NOX4: variants seen among roughly 807,000 people sequenced by gnomAD.
The protein encoded by NOX4 is kidney oxidase-1.
In NOX4, 69 loss-of-function variants were observed where a neutral mutation model predicts 87.6. The observed-to-expected ratio is 0.79, with a 90% CI of 0.65 to 0.96. NOX4 has a LOEUF of 0.96. NOX4 is among the 40% of genes least tolerant of loss of function. The pLI is 0.00. For missense variants in NOX4, 680 were observed against 681.5 expected, an observed-to-expected ratio of 1.00 and a Z score of 0.02; for synonymous variants, 275 against 238.2, an observed-to-expected ratio of 1.15 and a Z score of -1.42.
At chr11:89,559,397 T>A in the NOX4 span, among the ~76,000 whole-genome samples, 3 of 152,110 alleles carry the variant, frequency 2.0e-5, no homozygotes, top group African/African-American at 7.2e-5. Context: ...CCAGTATATC[T>A]GGTAAATATT....
intron 13 of NOX4, among the ~76,000 whole-genome samples, chr11:89,348,941 T>A (rs78665967): frequency 1.4e-4 from 22 of 152,286 alleles, no homozygotes; most frequent in East Asian, 9.7e-4. Context: ...TAATAATGCA[T>A]ATAAAGCACA....
At chr11:89,444,948 A>C (rs1944625650) in intron 4 of NOX4, among the ~76,000 whole-genome samples, 1 of 152,162 alleles carries the variant, frequency 6.6e-6, no homozygotes, top group Non-Finnish European at 1.5e-5. Flanking sequence ...AATTATTTTG[A>C]GGAGGTTGGG....
intron 2 of NOX4, among the ~76,000 whole-genome samples, chr11:89,488,523 G>T (rs1946718760): frequency 6.6e-6 from 1 of 152,048 alleles, no homozygotes; most frequent in African/African-American, 2.4e-5. Context: ...GAAAATTAAT[G>T]AGTTGGTTTC....
At chr11:89,433,800 T>A (rs80243665) in intron 6 of NOX4, among the ~76,000 whole-genome samples, 3 of 152,084 alleles carry the variant, frequency 2.0e-5, no homozygotes, top group Non-Finnish European at 4.4e-5. Context: ...GTCAAAATTA[T>A]AATGGCAGGA....
intron 11 of NOX4, among the ~76,000 whole-genome samples, chr11:89,377,019 C>A (rs2135076836): frequency 6.6e-6 from 1 of 152,306 alleles, no homozygotes; most frequent in African/African-American, 2.4e-5. Flanking sequence ...GATCGCACCA[C>A]TGCAGTCCAG....
At chr11:89,489,037 T>A (rs1440224434) in intron 2 of NOX4, 2 of 699,686 alleles carry the variant, frequency 2.9e-6, no homozygotes, top group South Asian at 3.0e-5. Context: ...GGGTTTAGCT[T>A]TACAGACTAT....
At chr11:89,331,783 ATTT>A (rs1299121608) in intron 17 of NOX4, among the ~76,000 whole-genome samples, 2 of 151,734 alleles carry the variant, frequency 1.3e-5, no homozygotes, top group Non-Finnish European at 2.9e-5. Flanking sequence ...GGATGTTATG[ATTT>A]TTGTGTTTCT....
intron 2 of NOX4, among the ~76,000 whole-genome samples, chr11:89,457,510 A>T (rs1258307869): frequency 6.6e-6 from 1 of 152,174 alleles, no homozygotes; most frequent in East Asian, 1.9e-4. Context: ...CCCCCGAGTG[A>T]ATCAGATTCC....
At chr11:89,379,828 C>A (rs544100075) in intron 11 of NOX4, among the ~76,000 whole-genome samples, 1 of 152,234 alleles carries the variant, frequency 6.6e-6, no homozygotes, top group East Asian at 1.9e-4. Flanking sequence ...CCACTATCAC[C>A]ACCCTGGTCA....
chr11:89,348,116 G>C (rs527466160), intron 13 of NOX4, among the ~76,000 whole-genome samples: 1 of 152,114 alleles, frequency 6.6e-6, no homozygotes, highest in Admixed American at 6.6e-5. Flanking sequence ...TGATAACAAA[G>C]TGATAAGACC....
intron 11 of NOX4, among the ~76,000 whole-genome samples, chr11:89,387,154 T>C (rs1026937874): frequency 1.3e-5 from 2 of 152,048 alleles, no homozygotes; most frequent in African/African-American, 4.8e-5. Flanking sequence ...TTTACCACTA[T>C]TTTGTTTTAT....
chr11:89,506,219 AAGAG>A, the NOX4 span, among the ~76,000 whole-genome samples: 22 of 91,644 alleles, frequency 2.4e-4, no homozygotes, highest in African/African-American at 7.3e-4. Flanking sequence ...GAAAGAAAGA[AAGAG>A]AGAAAGAAAG....
At chr11:89,438,898 TATATATA>T (rs1944314345) in intron 6 of NOX4, among the ~76,000 whole-genome samples, 2 of 19,900 alleles carry the variant, frequency 1.0e-4, no homozygotes, top group South Asian at 1.3e-3. Context: ...TTATATATTA[TATATATA>T]ATATATAATA....
At chr11:89,506,467 A>G in the NOX4 span, among the ~76,000 whole-genome samples, 2 of 151,810 alleles carry the variant, frequency 1.3e-5, no homozygotes, top group Non-Finnish European at 2.9e-5. Context: ...TGTAAAGCCT[A>G]CAACTATAAA....
chr11:89,527,146 C>G, the NOX4 span, among the ~76,000 whole-genome samples: 4 of 152,220 alleles, frequency 2.6e-5, no homozygotes, highest in Admixed American at 2.6e-4. Context: ...GAACTTAGAA[C>G]TTGAGAGAGA....
chr11:89,557,375 C>T, the NOX4 span, among the ~76,000 whole-genome samples: 27 of 152,098 alleles, frequency 1.8e-4, no homozygotes, highest in African/African-American at 5.8e-4. Flanking sequence ...GAAGTTTTTC[C>T]TCCGGGAAAG....
the NOX4 span, among the ~76,000 whole-genome samples, chr11:89,569,275 C>A: frequency 2.6e-5 from 4 of 150,946 alleles, no homozygotes; most frequent in Admixed American, 2.6e-4. Flanking sequence ...TGAAAGAAAC[C>A]TAAATTGAAA....
chr11:89,366,605 T>C (rs1254356262), intron 12 of NOX4, among the ~76,000 whole-genome samples: 2 of 149,906 alleles, frequency 1.3e-5, no homozygotes, highest in South Asian at 2.1e-4. Flanking sequence ...GATCCTTCCA[T>C]AGATCCTGGA....
chr11:89,498,200 G>A (rs1446328422), upstream of NOX4: 1 of 152,158 alleles, frequency 6.6e-6, no homozygotes, highest in African/African-American at 2.4e-5. Flanking sequence ...TTGAGGAAAA[G>A]AAGTTTATGT....
Sources: gnomAD v4.1 joint callset for allele counts (sites outside exome capture counted in the v4.1 genomes callset) on GRCh38, gnomAD v4.1.1 for gene constraint, MANE v1.5 for transcripts, NCBI Gene and HGNC (gene_info 2026-07-23, HGNC 2026-07-21) for gene names.